The following GLIS3 variants were observed in gnomAD, a reference collection of about 807,000 sequenced individuals.
GLIS3 encodes zinc finger protein GLIS3.
A neutral mutation model predicts 78.6 loss-of-function variants in GLIS3; 53 were observed. The ratio of observed to expected loss-of-function variants is 0.67; its 90% confidence interval spans 0.54 to 0.85. The LOEUF is 0.85. Ranked by LOEUF, GLIS3 falls within the 40% of genes least tolerant of loss-of-function variation. The pLI, the probability that GLIS3 is intolerant of heterozygous loss-of-function variation, is 0.00. For missense variants in GLIS3, 1,703 were observed against 1,231.1 expected (o/e 1.38, Z -5.74); for synonymous variants, 684 against 509.9 (o/e 1.34, Z -4.60).
intron 8 of GLIS3, among the ~76,000 whole-genome samples, chr9:3,868,016 A>C (rs1032307258): frequency 1.3e-5 from 2 of 151,666 alleles, no homozygotes; most frequent in Admixed American, 1.3e-4. Context: ...ATGGATGTCA[A>C]CATGCAGGCT....
At chr9:3,940,930 C>A (rs1815853415) in intron 4 of GLIS3, among the ~76,000 whole-genome samples, 1 of 152,108 alleles carries the variant, frequency 6.6e-6, no homozygotes, top group Non-Finnish European at 1.5e-5. Context: ...ACTGACGCAC[C>A]CCTGAGGAGT....
the GLIS3 span, among the ~76,000 whole-genome samples, chr9:4,456,776 G>T: frequency 1.3e-5 from 2 of 152,056 alleles, no homozygotes; most frequent in Admixed American, 6.5e-5. Flanking sequence ...CCTGAGGAGA[G>T]GGAAAAAATG....
At chr9:3,905,797 T>C (rs1391442903) in intron 6 of GLIS3, among the ~76,000 whole-genome samples, 1 of 152,194 alleles carries the variant, frequency 6.6e-6, no homozygotes, top group Non-Finnish European at 1.5e-5. Flanking sequence ...TTCTCCTGAT[T>C]CTGACTTCCT....
At chr9:3,901,450 C>A (rs1294452289) in intron 6 of GLIS3, among the ~76,000 whole-genome samples, 1 of 152,216 alleles carries the variant, frequency 6.6e-6, no homozygotes, top group East Asian at 1.9e-4. Context: ...TGGAAATTGG[C>A]AATTCTACAA....
chr9:3,847,983 A>T (rs1819162547), intron 9 of GLIS3, among the ~76,000 whole-genome samples: 1 of 152,318 alleles, frequency 6.6e-6, no homozygotes, highest in South Asian at 2.1e-4. Context: ...TCATCGGCTC[A>T]TTTCTTTTGT....
At chr9:4,364,756 C>CT in the GLIS3 span, among the ~76,000 whole-genome samples, 5,593 of 60,562 alleles carry the variant, frequency 0.092, 744 homozygotes, top group African/African-American at 0.22. Flanking sequence ...TCATGTATTG[C>CT]TTTTTTTTTT....
chr9:4,448,592 G>T, the GLIS3 span, among the ~76,000 whole-genome samples: 1 of 152,198 alleles, frequency 6.6e-6, no homozygotes, highest in South Asian at 2.1e-4. Context: ...GGCATGCTGT[G>T]GGATGCATTT....
intron 4 of GLIS3, among the ~76,000 whole-genome samples, chr9:4,057,403 T>C (rs989039671): frequency 2.6e-5 from 4 of 152,170 alleles, no homozygotes; most frequent in African/African-American, 4.8e-5. Context: ...AAAGATATCA[T>C]AACATTTTTA....
chr9:4,043,571 G>A (rs562055409), intron 4 of GLIS3, among the ~76,000 whole-genome samples: 1 of 152,036 alleles, frequency 6.6e-6, no homozygotes, highest in Admixed American at 6.6e-5. Flanking sequence ...CATGAGTTTT[G>A]TCTCAATGAC....
Position 3,958,065 on chromosome 9 carries a change from C to A in GLIS3, c.1711-20876G>T, listed in dbSNP as rs1817270095. Among the ~76,000 whole-genome samples, 3 of 152,208 alleles carry A rather than the reference C, an allele frequency of 2.0e-5. No individual in the cohort carries two copies. In the South Asian group the frequency reaches 6.2e-4, roughly 32 times the overall value. On this transcript the variant is annotated intron_variant, in intron 4 of 10. Transcript: ENST00000381971. ...CTGTGGCTCCTTCGGTAATCCTAAC[C>A]CATGACTGACTTTCCACCAGAATGT...
At chr9:4,386,071 T>C in the GLIS3 span, among the ~76,000 whole-genome samples, 1 of 152,194 alleles carries the variant, frequency 6.6e-6, no homozygotes, top group Admixed American at 6.5e-5. Context: ...GGTGAGAATT[T>C]ATCCCTTCTG....
chr9:4,257,366 T>A (rs1410739695), intron 2 of GLIS3, among the ~76,000 whole-genome samples: 1 of 152,072 alleles, frequency 6.6e-6, no homozygotes, highest in Non-Finnish European at 1.5e-5. Context: ...GGCACAAAGG[T>A]GCAGTTATGT....
At chr9:4,483,271 C>G in the GLIS3 span, among the ~76,000 whole-genome samples, 1 of 152,166 alleles carries the variant, frequency 6.6e-6, no homozygotes, top group South Asian at 2.1e-4. Flanking sequence ...ACCACTGCCG[C>G]GTGAAATGTA....
At chr9:3,856,862 T>C (rs1286365428) in intron 8 of GLIS3, among the ~76,000 whole-genome samples, 2 of 152,068 alleles carry the variant, frequency 1.3e-5, no homozygotes, top group Non-Finnish European at 2.9e-5. Flanking sequence ...AGTAAGACTA[T>C]TGGTGGTTTC....
At chr9:4,164,179 G>A (rs1835708968) in intron 2 of GLIS3, among the ~76,000 whole-genome samples, 1 of 152,132 alleles carries the variant, frequency 6.6e-6, no homozygotes, top group African/African-American at 2.4e-5. Context: ...AGCCAACAAT[G>A]TTATTACATC....
At position 4,117,972 on chromosome 9, in the gene GLIS3, G is replaced by A. The variant is rs1412987444; in HGVS notation, c.1506C>T (p.Cys502=). The A allele has an allele frequency of 6.2e-7, 1 of 1,613,486 alleles. No homozygotes were observed. The highest frequency in any genetic ancestry group is 1.7e-5 in the Admixed American group (1 of 60,018). The stretch of plus-strand genomic sequence containing the variant: ...ACAGGGCGCTGCAGTCGATCCAGCG[G>A]CAGCAATGCTTGCCCCCGATGCCGT... The part of the protein sequence containing the change: ...EMDGIGGKHC[C]RWIDCSALYD... Residue 502 remains cysteine, a synonymous_variant, in exon 4 of 11, where the codon TGC becomes TGT. Coordinates refer to ENST00000381971, the MANE Select transcript of GLIS3 (RefSeq NM_001042413.2).
chr9:4,405,536 A>G, the GLIS3 span, among the ~76,000 whole-genome samples: 1 of 152,320 alleles, frequency 6.6e-6, no homozygotes, highest in Non-Finnish European at 1.5e-5. Context: ...GAAGAAATCC[A>G]AAACCTGAAC....
chr9:4,438,073 G>A, the GLIS3 span, among the ~76,000 whole-genome samples: 1 of 152,152 alleles, frequency 6.6e-6, no homozygotes, highest in Non-Finnish European at 1.5e-5. Flanking sequence ...TCAATGGTCA[G>A]CTGTAGTTGA....
intron 2 of GLIS3, among the ~76,000 whole-genome samples, chr9:4,325,311 C>T (rs957487628): frequency 1.3e-5 from 2 of 152,198 alleles, no homozygotes; most frequent in East Asian, 1.9e-4. Flanking sequence ...CTTGAAACCA[C>T]TTAAAAAGGG....
Sources: gnomAD v4.1 joint callset for allele counts (sites outside exome capture counted in the v4.1 genomes callset) on GRCh38, gnomAD v4.1.1 for gene constraint, MANE v1.5 for transcripts, NCBI Gene and HGNC (gene_info 2026-07-23, HGNC 2026-07-21) for gene names.